RBFOX1: variants seen among roughly 807,000 people sequenced by gnomAD.
The protein encoded by RBFOX1 is RNA binding protein fox-1 homolog 1.
RBFOX1 carries 8 observed loss-of-function variants against 57.7 expected under a neutral mutation model. The observed-to-expected ratio is 0.14, with a 90% CI of 0.08 to 0.25. The LOEUF is 0.25. Ranked by LOEUF, RBFOX1 falls within the 10% of genes least tolerant of loss-of-function variation. RBFOX1 has a pLI of 1.00. For missense variants in RBFOX1, 611 were observed against 548.5 expected (o/e 1.11, Z -1.14); for synonymous variants, 326 against 222.4 (o/e 1.47, Z -4.15).
chr16:5,960,350 C>G (rs988501168), intron 4 of RBFOX1, among the ~76,000 whole-genome samples: 1 of 152,126 alleles, frequency 6.6e-6, no homozygotes, highest in Admixed American at 6.5e-5. Context: ...CACAGTCACA[C>G]GGATACGGAG....
At chr16:5,418,736 T>A (rs2067229522) in intron 1 of RBFOX1, among the ~76,000 whole-genome samples, 1 of 152,192 alleles carries the variant, frequency 6.6e-6, no homozygotes, top group Admixed American at 6.5e-5. Flanking sequence ...TCCTTTATTT[T>A]CTTCCTTTCA....
At chr16:5,815,416 G>A (rs2055598311) in intron 3 of RBFOX1, among the ~76,000 whole-genome samples, 1 of 152,104 alleles carries the variant, frequency 6.6e-6, no homozygotes, top group Non-Finnish European at 1.5e-5. Flanking sequence ...CAGATCCCAT[G>A]ATTAGAACAG....
At chr16:7,161,201 G>C (rs2078256326) in intron 4 of RBFOX1, among the ~76,000 whole-genome samples, 1 of 152,130 alleles carries the variant, frequency 6.6e-6, no homozygotes, top group African/African-American at 2.4e-5. Flanking sequence ...GGACTATGTG[G>C]ATGATGATGA....
intron 3 of RBFOX1, among the ~76,000 whole-genome samples, chr16:6,758,161 A>G (rs901086758): frequency 2.0e-5 from 3 of 152,104 alleles, no homozygotes; most frequent in Non-Finnish European, 4.4e-5. Context: ...GACTTCAGGT[A>G]CTGTCCTCTT....
At chr16:7,063,630 A>G (rs1202136368) in intron 4 of RBFOX1, among the ~76,000 whole-genome samples, 1 of 152,158 alleles carries the variant, frequency 6.6e-6, no homozygotes, top group Non-Finnish European at 1.5e-5. Flanking sequence ...TATCCTAGGA[A>G]TGCTATTGGC....
chr16:5,454,915 CTTTGT>C lies in RBFOX1; in HGVS notation c.220-12298_220-12294del, dbSNP rs1417036154. Among the ~76,000 whole-genome samples, 439 of 47,754 alleles carry C rather than the reference CTTTGT, an allele frequency of 9.2e-3. 11 individuals carry two copies. The highest frequency in any genetic ancestry group is 0.013 in the South Asian group (20 of 1,486). 31.3% of individuals were successfully genotyped at this position (47,754 alleles called of 152,430 possible). ...CTTTCTTTCTTTCTTTCTTTCTTTC[CTTTGT>C]TTCTTTCTTCCTTCCTTCCTTCCTT... is the stretch of plus-strand genomic sequence containing the variant. On this transcript the variant is annotated intron_variant, in intron 1 of 2. Transcript: ENST00000585867.
At chr16:6,844,418 C>G (rs1299304258) in intron 3 of RBFOX1, among the ~76,000 whole-genome samples, 3 of 152,128 alleles carry the variant, frequency 2.0e-5, no homozygotes, top group Non-Finnish European at 4.4e-5. Flanking sequence ...CATCATTCAC[C>G]TACTACTTAT....
At chr16:5,463,337 C>G (rs576450466) in intron 1 of RBFOX1, among the ~76,000 whole-genome samples, 162 of 152,246 alleles carry the variant, frequency 1.1e-3, no homozygotes, top group African/African-American at 3.7e-3. Context: ...CGTTGCTTTT[C>G]AAGTGACTGT....
intron 3 of RBFOX1, among the ~76,000 whole-genome samples, chr16:6,999,140 A>T (rs2092536879): frequency 6.6e-6 from 1 of 151,092 alleles, no homozygotes; most frequent in African/African-American, 2.4e-5. Context: ...AAGTACAGGG[A>T]TTACAGGTGT....
chr16:5,573,065 G>T (rs1411791003), intron 2 of RBFOX1, among the ~76,000 whole-genome samples: 2 of 152,190 alleles, frequency 1.3e-5, no homozygotes, highest in East Asian at 3.9e-4. Context: ...CATTTAGGCA[G>T]TTGTCGTAAT....
chr16:6,075,007 G>A (rs2095878509), intron 1 of RBFOX1, among the ~76,000 whole-genome samples: 2 of 152,118 alleles, frequency 1.3e-5, no homozygotes, highest in Admixed American at 6.5e-5. Context: ...CTTTGTCAGT[G>A]CCCACCCTGA....
intron 4 of RBFOX1, among the ~76,000 whole-genome samples, chr16:7,217,058 T>TCTCC (rs2092222199): frequency 7.4e-5 from 7 of 95,054 alleles, no homozygotes; most frequent in Admixed American, 5.6e-4. Context: ...CCTCCCTCTC[T>TCTCC]CTCCCTCTCC....
In RBFOX1 at chr16:6,291,942, G is replaced by A. The variant is rs573975426; in HGVS notation, c.-126-25053G>A. 2.9e-3 allele frequency among the ~76,000 whole-genome samples: 429 copies of A among 147,262 alleles called. 20 individuals are homozygous for A. In the South Asian group the frequency reaches 0.088, roughly 30 times the overall value. ...TTTCAAAAGTTATAGACTCTGTGTT[G>A]GAATGAATGTGTGTGTGTGTGTGTG... On this transcript the variant is annotated intron_variant, in intron 1 of 15. Transcript: ENST00000550418.
At chr16:6,474,889 A>G (rs2153085486) in intron 2 of RBFOX1, among the ~76,000 whole-genome samples, 1 of 152,348 alleles carries the variant, frequency 6.6e-6, no homozygotes, top group South Asian at 2.1e-4. Flanking sequence ...AACATCAGGA[A>G]GTGATGTTCA....
chr16:7,051,153 A>G (rs570967737), intron 3 of RBFOX1, among the ~76,000 whole-genome samples: 200 of 152,334 alleles, frequency 1.3e-3, no homozygotes, highest in African/African-American at 4.6e-3. Context: ...GATATAGAAT[A>G]AAGGTGAATG....
At chr16:7,662,460 G>C (rs74011955) in intron 12 of RBFOX1, among the ~76,000 whole-genome samples, 1 of 152,086 alleles carries the variant, frequency 6.6e-6, no homozygotes, top group Non-Finnish European at 1.5e-5. Context: ...ATCTCCTTCT[G>C]ACGCCTTCTC....
At chr16:6,816,014 C>G (rs559062314) in intron 3 of RBFOX1, among the ~76,000 whole-genome samples, 16 of 152,234 alleles carry the variant, frequency 1.1e-4, no homozygotes, top group African/African-American at 3.6e-4. Context: ...CCTATTGTAC[C>G]ATTTAAAAAT....
intron 1 of RBFOX1, among the ~76,000 whole-genome samples, chr16:5,335,125 A>T (rs2064862790): frequency 6.6e-6 from 1 of 152,054 alleles, no homozygotes; most frequent in Admixed American, 6.5e-5. Flanking sequence ...CGAAGACTGA[A>T]TATTATAAAT....
intron 4 of RBFOX1, among the ~76,000 whole-genome samples, chr16:7,372,820 CAGAG>C (rs922568967): frequency 3.9e-4 from 59 of 151,232 alleles, no homozygotes; most frequent in African/African-American, 1.2e-3. Context: ...GAGCAGGAGA[CAGAG>C]AGAGAGAAGT....
Sources: allele counts gnomAD v4.1 joint callset (sites outside exome capture counted in the v4.1 genomes callset), GRCh38; gene constraint gnomAD v4.1.1; transcripts MANE v1.5; gene names NCBI Gene and HGNC (gene_info 2026-07-23, HGNC 2026-07-21).